PIAS2: variants seen among roughly 807,000 people sequenced by gnomAD.
PIAS2 encodes E3 SUMO-protein ligase PIAS2.
Under a neutral mutation model 69.7 loss-of-function variants are expected in PIAS2, and 19 were observed. That is an observed-to-expected ratio of 0.27 (90% confidence interval 0.19 to 0.40). The LOEUF (loss-of-function observed/expected upper bound fraction) is 0.40, where lower values mean the gene tolerates loss of function less well. Ranked by LOEUF, PIAS2 falls within the 10% of genes least tolerant of loss-of-function variation. The pLI is 1.00. For synonymous variants in PIAS2, 261 were observed against 263.2 expected (o/e 0.99, Z 0.08); for missense variants, 624 against 757.0 (o/e 0.82, Z 2.06).
intron 1 of PIAS2, chr18:46,907,473 G>A (rs1170060826): frequency 3.9e-5 from 6 of 152,066 alleles, no homozygotes; most frequent in Non-Finnish European, 7.4e-5. Flanking sequence ...TACAACTACA[G>A]ACAACAATAA....
intron 1 of PIAS2, among the ~76,000 whole-genome samples, chr18:46,892,346 T>C (rs2054193412): frequency 6.6e-6 from 1 of 152,126 alleles, no homozygotes; most frequent in Non-Finnish European, 1.5e-5. Flanking sequence ...TATATATGTC[T>C]CTATATTTCA....
At chr18:46,882,709 C>T (rs184465472) in intron 2 of PIAS2, among the ~76,000 whole-genome samples, 400 of 152,180 alleles carry the variant, frequency 2.6e-3, no homozygotes, top group African/African-American at 9.3e-3. Context: ...GGGTAAGTTA[C>T]GGTACATCTA....
chr18:46,839,379 C>T (rs2044952361), intron 8 of PIAS2, among the ~76,000 whole-genome samples: 1 of 152,112 alleles, frequency 6.6e-6, no homozygotes, highest in African/African-American at 2.4e-5. Flanking sequence ...ATCTATCATG[C>T]TACTAGTAAT....
rs371703092 is a variant in PIAS2 at position 46,905,009 on chromosome 18, T to C, written c.24+12313A>G. On this transcript the variant is annotated intron_variant, in intron 1 of 13. Transcript: ENST00000585916. ...CTTAATAAAAAATAAAGATATGAGA[T>C]TTGAACAACATAATTAACAAGGCTA... Among the ~76,000 whole-genome samples, 6 of 152,252 alleles carry C rather than the reference T, an allele frequency of 3.9e-5. 1 individual carries two copies. The highest frequency in any genetic ancestry group is 1.4e-4 in the African/African-American group (6 of 41,562).
At chr18:46,829,924 A>G in intron 9 of PIAS2, 57 bp from the exon 10 acceptor site, 1 of 1,487,738 alleles carries the variant, frequency 6.7e-7, no homozygotes. Context: ...TAAAGGTGAA[A>G]TAAGAAAGTA....
In PIAS2 at chr18:46,817,102, TTCTTA is replaced by T. The variant is rs773812732; in HGVS notation, c.1649-1758_1649-1754del. ...ATAACCGTTTTCTTTTTACAGTAACTTCTTATCTTTTCAGTTTTTCAGTTTTCTTC... is the reference window on the plus strand; with the variant it reads ...ATAACCGTTTTCTTTTTACAGTAACTTCTTTTCAGTTTTTCAGTTTTCTTC... On this transcript the variant is annotated intron_variant, in intron 12 of 13. Transcript: ENST00000585916. 184 of 945,008 alleles carry T rather than the reference TTCTTA, an allele frequency of 1.9e-4. 1 individual carries two copies. The highest frequency in any genetic ancestry group is 1.2e-3 in the African/African-American group (68 of 55,618). 58.5% of individuals were successfully genotyped at this position (945,008 alleles called of 1,614,324 possible). A position where few individuals can be genotyped will look rare whatever the true frequency, so the allele number is the denominator to read the frequency against.
intron 6 of PIAS2, among the ~76,000 whole-genome samples, chr18:46,845,858 ACAAT>A (rs1044469470): frequency 6.6e-6 from 1 of 152,188 alleles, no homozygotes; most frequent in Non-Finnish European, 1.5e-5. Context: ...TTCAATGTCT[ACAAT>A]CATTTATTCC....
intron 1 of PIAS2, among the ~76,000 whole-genome samples, chr18:46,895,562 T>C (rs957438167): frequency 4.6e-5 from 7 of 152,012 alleles, no homozygotes; most frequent in African/African-American, 1.7e-4. Context: ...TTCCAGCTAC[T>C]AGGGAGGCTG....
rs750793863 is a variant in PIAS2, at chr18:46,856,044, C to T, written c.585-429G>A. ...TTTTTGAGACAGAGTCTTGCCCTGT[C>T]GCCCAGGCTGGAGTGCAGTGGCGCG... On this transcript the variant is annotated intron_variant, in intron 3 of 13. Transcript: ENST00000585916. Among the ~76,000 whole-genome samples, 8 of 113,286 alleles carry T rather than the reference C, an allele frequency of 7.1e-5. No individual in the cohort carries two copies. In the Admixed American group the frequency reaches 9.5e-4, roughly 13 times the overall value. The allele number at this position is 113,286 out of a possible 152,430, so 74.3% of individuals were successfully genotyped here.
chr18:46,911,894 T>C (rs951466612), intron 1 of PIAS2, among the ~76,000 whole-genome samples: 2 of 151,932 alleles, frequency 1.3e-5, no homozygotes, highest in South Asian at 2.1e-4. Context: ...CTATTACAAA[T>C]ACAAAAATTA....
rs2045926994 is a variant in PIAS2 at position 46,844,714 on chromosome 18, T to G, written c.967+20A>C. On this transcript the variant is annotated intron_variant, in intron 7 of 13. Coordinates refer to ENST00000585916, the MANE Select transcript of PIAS2 (RefSeq NM_004671.5). ...TTTTTTTTTTTTTTTAAATGCTTGG[T>G]CTTATTAAACATTACTTACTTAGTG... The G allele has an allele frequency of 9.0e-6, 8 of 888,982 alleles. No individual in the cohort carries two copies. Among genetic ancestry groups the G allele is most frequent in the African/African-American group, 1.7e-5 (1 of 57,600 alleles). The allele number at this position is 888,982 out of a possible 1,614,324, so 55.1% of individuals were successfully genotyped here.
intron 1 of PIAS2, among the ~76,000 whole-genome samples, chr18:46,906,750 C>A (rs1186533561): frequency 7.4e-6 from 1 of 134,474 alleles, no homozygotes; most frequent in Non-Finnish European, 1.5e-5. Flanking sequence ...CATCAAAATA[C>A]CAACAAGATG....
In PIAS2 at chr18:46,870,734, T is replaced by C. The variant is rs189791010; in HGVS notation, c.500-6486A>G. On this transcript the variant is annotated intron_variant, in intron 2 of 13. Coordinates refer to ENST00000585916, the MANE Select transcript of PIAS2 (RefSeq NM_004671.5). Reference sequence around the variant, plus strand: ...CCACAGCTGTATACTTGGGCAGAGTTAATGACCATCCTGGGCATCCTCTTT... The same window carrying C: ...CCACAGCTGTATACTTGGGCAGAGTCAATGACCATCCTGGGCATCCTCTTT... 5.9e-5 allele frequency among the ~76,000 whole-genome samples: 9 copies of C among 151,780 alleles called. No individual in the cohort carries two copies. In the East Asian group the frequency reaches 1.6e-3, roughly 26 times the overall value.
chr18:46,864,388 T>G, intron 2 of PIAS2, 140 bp from the exon 3 acceptor site: 1 of 600,984 alleles, frequency 1.7e-6, no homozygotes, highest in Non-Finnish European at 2.9e-6. Context: ...AATCAGGAAG[T>G]ACTAAACTGC....
At chr18:46,904,220 A>G (rs1295260608) in intron 1 of PIAS2, 1 of 152,150 alleles carries the variant, frequency 6.6e-6, no homozygotes, top group Non-Finnish European at 1.5e-5. Flanking sequence ...AAAAAAAACT[A>G]GAGAGAGTAT....
intron 2 of PIAS2, among the ~76,000 whole-genome samples, chr18:46,873,611 T>C (rs1433406229): frequency 1.3e-5 from 2 of 152,206 alleles, no homozygotes; most frequent in Non-Finnish European, 2.9e-5. Flanking sequence ...TTATACTGAT[T>C]CTAAATATGT....
chr18:46,900,991 T>A (rs780122821), intron 1 of PIAS2: 4 of 382,174 alleles, frequency 1.0e-5, no homozygotes, highest in South Asian at 3.9e-5. Flanking sequence ...TATTAAAAAA[T>A]AAAAATAAGG....
At chr18:46,830,515 A>G (rs141855097) in intron 9 of PIAS2, among the ~76,000 whole-genome samples, 39 of 152,176 alleles carry the variant, frequency 2.6e-4, no homozygotes, top group African/African-American at 8.7e-4. Flanking sequence ...TTATAGCATT[A>G]ATCTTCCCTA....
intron 3 of PIAS2, among the ~76,000 whole-genome samples, chr18:46,862,348 T>C (rs1002128295): frequency 6.6e-6 from 1 of 152,102 alleles, no homozygotes; most frequent in East Asian, 1.9e-4. Flanking sequence ...AAAAAAATTA[T>C]GTAATTAAGT....
Sources: allele counts gnomAD v4.1 joint callset (sites outside exome capture counted in the v4.1 genomes callset), GRCh38; gene constraint gnomAD v4.1.1; transcripts MANE v1.5; gene names NCBI Gene and HGNC (gene_info 2026-07-23, HGNC 2026-07-21).